ERCC2: variants seen among roughly 807,000 people sequenced by gnomAD.
The protein encoded by ERCC2 is general transcription and DNA repair factor IIH helicase subunit XPD.
In ERCC2, 90 loss-of-function variants were observed where a neutral mutation model predicts 99.4. That is an observed-to-expected ratio of 0.91 (90% CI 0.76 to 1.08). The LOEUF is 1.08. ERCC2 is among the 50% of genes least tolerant of loss of function. The pLI is 0.00. For missense variants in ERCC2, 993 were observed against 1,038.1 expected, an observed-to-expected ratio of 0.96 and a Z score of 0.60; for synonymous variants, 497 against 432.4, an observed-to-expected ratio of 1.15 and a Z score of -1.85.
rs994583786 is a variant in ERCC2, at chr19:45,352,250, C to T, written c.2149G>A (p.Ala717Thr). 1.9e-6 allele frequency: 3 copies of T among 1,613,966 alleles called. No homozygotes were observed. Among genetic ancestry groups the T allele is most frequent in the African/African-American group, 2.7e-5 (2 of 74,924 alleles). ...NLTVDEGVQVAKYFLRQMAQP... is the reference protein window; with the variant it reads ...NLTVDEGVQVTKYFLRQMAQP... The stretch of plus-strand genomic sequence containing the variant: ...GCCATCTGCCGCAGGAAGTACTTGG[C>T]CACCTGGACACCCTCGTCCACGGTC... Residue 717 changes from alanine (A) to threonine (T), a missense_variant, in exon 22 of 23, where the codon GCC becomes ACC. Physicochemically the swap from Ala to Thr is moderately conservative, Grantham distance 58. Transcript: ENST00000391945.
At chr19:45,366,582 ACTC>A (rs1972432491) in intron 5 of ERCC2, among the ~76,000 whole-genome samples, 1 of 152,010 alleles carries the variant, frequency 6.6e-6, no homozygotes, top group Non-Finnish European at 1.5e-5. Context: ...ACAGTCTGGG[ACTC>A]CCCTTACCCC....
chr19:45,364,928 C>T lies in ERCC2; in HGVS notation c.504G>A (p.Val168=), dbSNP rs750699070. 5.0e-6 allele frequency: 8 copies of T among 1,614,116 alleles called. No homozygotes were observed. The Admixed American group carries it at 1.2e-4, about 24-fold the overall frequency. The change falls in exon 7 of 23, where the codon GTG becomes GTA. Residue 168 remains valine (V), a synonymous_variant. Coordinates refer to ENST00000391945, the MANE Select transcript of ERCC2 (RefSeq NM_000400.4). ...YEEFDAHGRE[V]PLPAGIYNLD... ...GGTTGTAGATGCCAGCGGGGAGGGG[C>T]ACCTCACGCCCATGGGCATCAAATT...
Position 45,351,073 on chromosome 19 carries a change from T to C in ERCC2, c.*556A>G. The stretch of plus-strand genomic sequence containing the variant: ...GAGGCCATGTGGGTAGGTGCAGAGA[T>C]GAGGCAAAGGCAGGGCGGTCGGGCC... On this transcript the variant is annotated 3_prime_UTR_variant, in exon 23 of 23. Transcript: ENST00000391945. 1 of 1,613,502 alleles carries C rather than the reference T, an allele frequency of 6.2e-7. No individual in the cohort carries two copies. Among genetic ancestry groups the C allele is most frequent in the South Asian group, 1.1e-5 (1 of 91,024 alleles).
intron 19 of ERCC2, 97 bp from the exon 20 acceptor site, chr19:45,352,913 G>T: frequency 7.7e-7 from 1 of 1,303,160 alleles, no homozygotes; most frequent in Non-Finnish European, 1.1e-6. Context: ...CTGAGTTGGG[G>T]GGAGAGGGTG....
rs774786395 is a variant in ERCC2 at position 45,350,088 on chromosome 19, C to T, written c.*1541G>A. Reference sequence around the variant, plus strand: ...GCTCCAAACCCACTCTGCCCCAGGGCAAGGCTTTAGGCAGGGGAAGGATAC... The same window carrying T: ...GCTCCAAACCCACTCTGCCCCAGGGTAAGGCTTTAGGCAGGGGAAGGATAC... On this transcript the variant is annotated 3_prime_UTR_variant, in exon 23 of 23. Coordinates refer to ENST00000391945, the MANE Select transcript of ERCC2 (RefSeq NM_000400.4). The T allele has an allele frequency of 1.5e-4, 76 of 520,616 alleles. No individual in the cohort carries two copies. The highest frequency in any genetic ancestry group is 2.4e-4 in the Non-Finnish European group (70 of 290,996). 32.2% of individuals were successfully genotyped at this position (520,616 alleles called of 1,614,324 possible).
chr19:45,351,819 G>T lies in ERCC2; in HGVS notation c.2191-98C>A, dbSNP rs1042166557. 1.1e-5 allele frequency: 12 copies of T among 1,052,916 alleles called. No homozygotes were observed. The Admixed American group carries it at 1.9e-4, about 16-fold the overall frequency. 65.2% of individuals were successfully genotyped at this position (1,052,916 alleles called of 1,614,324 possible). ...ACCACCCCCCCGAATGGCCAGTAGG[G>T]ACAGGATGTTTGAATGAATTTGGAG... On this transcript the variant is annotated intron_variant, in intron 22 of 22. Coordinates refer to ENST00000391945, the MANE Select transcript of ERCC2 (RefSeq NM_000400.4).
rs1971638635 is a variant in ERCC2 at position 45,349,957 on chromosome 19, G to A, written c.*1672C>T. 1 of 413,726 alleles carries A rather than the reference G, an allele frequency of 2.4e-6. No individual in the cohort carries two copies. Among genetic ancestry groups the A allele is most frequent in the South Asian group, 3.7e-5 (1 of 26,840 alleles). 25.6% of individuals were successfully genotyped at this position (413,726 alleles called of 1,614,324 possible). A position where few individuals can be genotyped will look rare whatever the true frequency, so the allele number is the denominator to read the frequency against. ...GAGCTGTCGCTCCACTTTGCGTGTGGGAAGACTGAGGCACCGAGGCCATGC... is the reference window on the plus strand; with the variant it reads ...GAGCTGTCGCTCCACTTTGCGTGTGAGAAGACTGAGGCACCGAGGCCATGC... On this transcript the variant is annotated 3_prime_UTR_variant, in exon 23 of 23. Transcript: ENST00000391945.
In ERCC2 at chr19:45,349,993, A is replaced by G. The variant is rs1410774997; in HGVS notation, c.*1636T>C. 1 of 429,234 alleles carries G rather than the reference A, an allele frequency of 2.3e-6. No homozygotes were observed. The highest frequency in any genetic ancestry group is 2.0e-5 in the African/African-American group (1 of 50,470). 26.6% of individuals were successfully genotyped at this position (429,234 alleles called of 1,614,324 possible). A position where few individuals can be genotyped will look rare whatever the true frequency, so the allele number is the denominator to read the frequency against. On this transcript the variant is annotated 3_prime_UTR_variant, in exon 23 of 23. Coordinates refer to ENST00000391945, the MANE Select transcript of ERCC2 (RefSeq NM_000400.4). The stretch of plus-strand genomic sequence containing the variant: ...GCACCGAGGCCATGCCACCAGCCCA[A>G]AGTACAGCAGACAGGCTCAGAAACA...
At chr19:45,369,828 A>C (rs1421307558) in intron 2 of ERCC2, among the ~76,000 whole-genome samples, 1 of 152,038 alleles carries the variant, frequency 6.6e-6, no homozygotes, top group East Asian at 1.9e-4. Context: ...GGCGCCCGCC[A>C]CCACACCTGG....
rs187036939 is a variant in ERCC2 at position 45,354,919 on chromosome 19, G to A, written c.1544-68C>T. On this transcript the variant is annotated intron_variant, in intron 16 of 22. Transcript: ENST00000391945. ...TCCTCCCTTCTCTGTCTTAGAACTA[G>A]GAGTTTCTGGAAACCCCACTGAGGC... The A allele has an allele frequency of 2.6e-5, 41 of 1,604,948 alleles. 1 individual carries two copies. In the South Asian group the frequency reaches 4.3e-4, roughly 17 times the overall value.
chr19:45,369,989 T>A (rs896457695), intron 2 of ERCC2, 144 bp downstream of exon 2: 2 of 716,394 alleles, frequency 2.8e-6, no homozygotes, highest in Non-Finnish European at 4.6e-6. Flanking sequence ...TCACCATTAT[T>A]GTTTTAGATA....
chr19:45,361,849 G>A, intron 11 of ERCC2: 1 of 596,468 alleles, frequency 1.7e-6, no homozygotes, highest in Non-Finnish European at 3.1e-6. Context: ...TAATGGCACA[G>A]ACAGAGCAAT....
intron 6 of ERCC2, 35 bp downstream of exon 6, chr19:45,365,007 C>T (rs1423862408): frequency 6.2e-7 from 1 of 1,610,150 alleles, no homozygotes. Context: ...GGCTACCTGT[C>T]CTGCCTCCCT....
chr19:45,370,358 G>A, intron 1 of ERCC2, 126 bp from the exon 2 acceptor site: 2 of 1,520,468 alleles, frequency 1.3e-6, no homozygotes, highest in South Asian at 1.2e-5. Context: ...CAGGTCCTCA[G>A]GAGCCTCGGG....
At position 45,351,700 on chromosome 19, in the gene ERCC2, G is replaced by A. The variant is rs1971787423; in HGVS notation, c.2212C>T (p.Leu738=). The A allele has an allele frequency of 1.9e-6, 3 of 1,613,910 alleles. No individual in the cohort carries two copies. Among genetic ancestry groups the A allele is most frequent in the Non-Finnish European group, 1.7e-6 (2 of 1,180,008 alleles). ...FHREDQLGLS[L]LSLEQLESEE... The stretch of plus-strand genomic sequence containing the variant: ...GATTCTAGCTGCTCCAGGCTGAGCA[G>A]GGACAGGCCCAGCTGATCCTCCTGC... Residue 738 remains leucine (L), a synonymous_variant, in exon 23 of 23, where the codon CTG becomes TTG. Transcript: ENST00000391945.
intron 17 of ERCC2, among the ~76,000 whole-genome samples, chr19:45,354,278 G>A (rs1457857159): frequency 6.6e-6 from 1 of 152,204 alleles, no homozygotes; most frequent in African/African-American, 2.4e-5. Flanking sequence ...TCCTCTAGCT[G>A]CTTCCCTGAA....
chr19:45,357,395 T>C (rs1394666390), intron 14 of ERCC2, 24 bp from the exon 15 acceptor site: 2 of 1,610,406 alleles, frequency 1.2e-6, no homozygotes, highest in South Asian at 2.2e-5. Context: ...GTGGGAGGGA[T>C]CTCAGCAGGA....
chr19:45,367,354 AATATAT>A (rs143488097), intron 5 of ERCC2, among the ~76,000 whole-genome samples: 2,589 of 142,060 alleles, frequency 0.018, 72 homozygotes, highest in African/African-American at 0.055. Context: ...ACAAAACAAA[AATATAT>A]ATATATATAC....
rs1435353438 is a variant in ERCC2, at chr19:45,352,561, A to G, written c.1991T>C (p.Val664Ala). ...FDAMRHAAQC[V>A]GRAIRGKTDY... The stretch of plus-strand genomic sequence containing the variant: ...CGTCTTGCCCCTGATGGCCCGACCC[A>G]CACACTGGGCCGCGTGGCGCATGGC... Residue 664 changes from valine to alanine, a missense_variant, in exon 21 of 23, where the codon GTG becomes GCG. By Grantham distance (64) the Val-to-Ala change is moderately conservative (BLOSUM62 0). Around this residue, in one of 3 missense-constraint regions of ERCC2, gnomAD observed 909 missense variants for 930.8 expected, o/e 0.98. Transcript: ENST00000391945. 2 of 1,614,106 alleles carry G rather than the reference A, an allele frequency of 1.2e-6. No individual in the cohort carries two copies. Among genetic ancestry groups the G allele is most frequent in the Non-Finnish European group, 1.7e-6 (2 of 1,180,026 alleles).
Sources: gnomAD v4.1 joint callset for allele counts (sites outside exome capture counted in the v4.1 genomes callset) on GRCh38, gnomAD v4.1.1 for gene constraint, gnomAD v4.1.1 regional missense constraint, MANE v1.5 for transcripts, NCBI Gene and HGNC (gene_info 2026-07-23, HGNC 2026-07-21) for gene names.